The following CALN1 variants were observed in gnomAD, a reference collection of about 807,000 sequenced individuals.
CALN1 encodes the protein calneuron 1, also known as calcium-binding protein 8.
Under a neutral mutation model 30.6 loss-of-function variants are expected in CALN1, and 17 were observed. That is an observed-to-expected ratio of 0.56 (90% CI 0.38 to 0.83). The LOEUF is 0.83. Among genes scored for constraint, CALN1 ranks in the 40% least tolerant of loss-of-function variants. The pLI is 0.00. For synonymous variants in CALN1, 156 were observed against 131.4 expected (o/e 1.19, Z -1.28); for missense variants, 291 against 354.9 (o/e 0.82, Z 1.45).
chr7:72,245,434 C>T (rs1331326910), intron 3 of CALN1, among the ~76,000 whole-genome samples: 3 of 151,478 alleles, frequency 2.0e-5, no homozygotes, highest in African/African-American at 7.3e-5. Context: ...GCCTGACCAA[C>T]ATGGTGAAAC....
At position 72,017,155 on chromosome 7, in the gene CALN1, C is replaced by A. The variant is rs1484223156; in HGVS notation, c.501+6502G>T. ...CTCCTGCCTGGGCAACAGAGAGAGA[C>A]TCTGTCTCAAAAATTAAAAAAAAAA... On this transcript the variant is annotated intron_variant, in intron 5 of 6. Transcript: ENST00000395275. Among the ~76,000 whole-genome samples, 4 of 136,784 alleles carry A rather than the reference C, an allele frequency of 2.9e-5. No individual in the cohort carries two copies. In the Admixed American group the frequency reaches 3.0e-4, roughly 10 times the overall value. 89.7% of individuals were successfully genotyped at this position (136,784 alleles called of 152,430 possible). A position where few individuals can be genotyped will look rare whatever the true frequency, so the allele number is the denominator to read the frequency against.
chr7:72,029,347 C>T lies in CALN1; in HGVS notation c.389-5578G>A, dbSNP rs565140222. ...AGTGAAGATTAGCCAATCTTCTGAC[C>T]TCGTGATCCGCCCACCTCAGCCTCC... On this transcript the variant is annotated intron_variant, in intron 4 of 6. Transcript: ENST00000395275. Among the ~76,000 whole-genome samples the T allele has an allele frequency of 2.7e-3, 417 of 152,196 alleles. 2 individuals carry two copies. Among genetic ancestry groups the T allele is most frequent in the Non-Finnish European group, 4.7e-3 (322 of 68,002 alleles).
At chr7:72,390,431 A>C (rs536145639) in intron 2 of CALN1, among the ~76,000 whole-genome samples, 16 of 152,284 alleles carry the variant, frequency 1.1e-4, no homozygotes, top group African/African-American at 3.8e-4. Flanking sequence ...ACTCTGTCTA[A>C]AAAAGTAAAA....
chr7:72,409,932 T>G (rs1002060915), intron 1 of CALN1, among the ~76,000 whole-genome samples: 1 of 152,356 alleles, frequency 6.6e-6, no homozygotes, highest in East Asian at 1.9e-4. Context: ...TTCCCTGTAA[T>G]GCTTGATAAT....
chr7:72,254,128 G>T (rs1228403306), intron 3 of CALN1, among the ~76,000 whole-genome samples: 1 of 152,058 alleles, frequency 6.6e-6, no homozygotes, highest in Non-Finnish European at 1.5e-5. Flanking sequence ...CTGCCTGTCA[G>T]CAAACTAGAC....
At chr7:71,888,099 G>A (rs1186075048) in intron 5 of CALN1, among the ~76,000 whole-genome samples, 2 of 152,028 alleles carry the variant, frequency 1.3e-5, no homozygotes, top group Non-Finnish European at 2.9e-5. Flanking sequence ...AGCATAGGAT[G>A]GAATAAGACC....
At chr7:72,407,489 GGTTGTTGCAA>G (rs1310226066) in intron 1 of CALN1, among the ~76,000 whole-genome samples, 1 of 152,092 alleles carries the variant, frequency 6.6e-6, no homozygotes, top group Non-Finnish European at 1.5e-5. Flanking sequence ...CATGAGATCT[GGTTGTTGCAA>G]GTGTGTGCAA....
At position 71,875,160 on chromosome 7, in the gene CALN1, C is replaced by CAA. The variant is rs3063970; in HGVS notation, c.502-64670_502-64669dup. 1.4e-3 allele frequency among the ~76,000 whole-genome samples: 94 copies of CAA among 68,746 alleles called. 2 individuals carry two copies. The highest frequency in any genetic ancestry group is 3.6e-3 in the African/African-American group (66 of 18,580). 45.1% of individuals were successfully genotyped at this position (68,746 alleles called of 152,430 possible). On this transcript the variant is annotated intron_variant, in intron 5 of 6. Coordinates refer to ENST00000395275, the MANE Select transcript of CALN1 (RefSeq NM_031468.4). ...AGCCTGGGTAAAGGAGACTCTGTCT[C>CAA]AAAAAAAAAAAAAAAAAAAAAAAAA...
At chr7:71,994,530 A>AAAAAAAAAAAAG (rs1799143909) in intron 5 of CALN1, among the ~76,000 whole-genome samples, 1 of 151,812 alleles carries the variant, frequency 6.6e-6, no homozygotes, top group African/African-American at 2.4e-5. Context: ...AAAAAAAAAA[A>AAAAAAAAAAAAG]AAACAGTGAT....
At chr7:72,102,034 T>C (rs920735700) in intron 4 of CALN1, among the ~76,000 whole-genome samples, 1 of 152,194 alleles carries the variant, frequency 6.6e-6, no homozygotes, top group Non-Finnish European at 1.5e-5. Flanking sequence ...TTTCAAAGCT[T>C]ATTTTATTTT....
intron 2 of CALN1, among the ~76,000 whole-genome samples, chr7:72,345,039 A>G (rs908619073): frequency 4.7e-5 from 7 of 148,110 alleles, no homozygotes; most frequent in African/African-American, 1.5e-4. Flanking sequence ...CACATGTTAT[A>G]TATTATATCG....
intron 5 of CALN1, among the ~76,000 whole-genome samples, chr7:71,810,987 C>T (rs142665305): frequency 1.8e-4 from 28 of 151,776 alleles, no homozygotes; most frequent in African/African-American, 6.3e-4. Flanking sequence ...CCTCGCCTCC[C>T]GAGTTCAAGC....
At chr7:72,461,087 T>C in the CALN1 span, among the ~76,000 whole-genome samples, 7 of 152,260 alleles carry the variant, frequency 4.6e-5, no homozygotes, top group African/African-American at 1.7e-4. Flanking sequence ...ACCTATGCCA[T>C]AGAATGCCTC....
At chr7:72,461,635 A>G in the CALN1 span, among the ~76,000 whole-genome samples, 1 of 152,206 alleles carries the variant, frequency 6.6e-6, no homozygotes, top group Non-Finnish European at 1.5e-5. Context: ...GATGTGAATA[A>G]TGGACCCTGG....
intron 3 of CALN1, among the ~76,000 whole-genome samples, chr7:72,106,891 G>A (rs1807201094): frequency 7.0e-6 from 1 of 141,904 alleles, no homozygotes; most frequent in South Asian, 2.3e-4. Context: ...AAGGAAAGAA[G>A]AAAGAAAAAG....
At chr7:71,968,625 G>T (rs752001406) in intron 5 of CALN1, among the ~76,000 whole-genome samples, 19 of 151,990 alleles carry the variant, frequency 1.3e-4, no homozygotes, top group Non-Finnish European at 2.5e-4. Flanking sequence ...CAAGTGATCT[G>T]CCCATCTCCG....
chr7:72,217,460 C>T (rs908498846), intron 3 of CALN1, among the ~76,000 whole-genome samples: 6 of 152,256 alleles, frequency 3.9e-5, no homozygotes, highest in Non-Finnish European at 7.4e-5. Context: ...CTGACATCAC[C>T]GCTTCTATAG....
the CALN1 span, among the ~76,000 whole-genome samples, chr7:72,460,621 G>A: frequency 6.6e-6 from 1 of 152,018 alleles, no homozygotes; most frequent in South Asian, 2.1e-4. Flanking sequence ...AGCAGATTGA[G>A]ACTCAGTCTC....
intron 5 of CALN1, among the ~76,000 whole-genome samples, chr7:71,874,974 G>C (rs1792155930): frequency 6.6e-6 from 1 of 152,036 alleles, no homozygotes; most frequent in South Asian, 2.1e-4. Context: ...AGACGAGCCT[G>C]GCCAACATGG....
Sources: gnomAD v4.1 joint callset for allele counts (sites outside exome capture counted in the v4.1 genomes callset) on GRCh38, gnomAD v4.1.1 for gene constraint, MANE v1.5 for transcripts, NCBI Gene and HGNC (gene_info 2026-07-23, HGNC 2026-07-21) for gene names.